The following MBP variants were observed in gnomAD, a reference collection of about 807,000 sequenced individuals.
The protein encoded by MBP is Golli-MBP.
A neutral mutation model predicts 35.8 loss-of-function variants in MBP; 16 were observed. That is an observed-to-expected ratio of 0.45 (90% CI 0.30 to 0.68). The LOEUF (loss-of-function observed/expected upper bound fraction) is 0.68, where lower values mean the gene tolerates loss of function less well. MBP is among the 30% of genes least tolerant of loss of function. The pLI is 0.08. For synonymous variants in MBP, 143 were observed against 159.6 expected (o/e 0.90, Z 0.78); for missense variants, 380 against 404.7 (o/e 0.94, Z 0.52).
At chr18:76,987,712 A>G in intron 7 of MBP, 1 of 995,286 alleles carries the variant, frequency 1.0e-6, no homozygotes, top group Non-Finnish European at 1.2e-6. Flanking sequence ...GTTGGTGGTT[A>G]TTCCTCCATT....
intron 1 of MBP, among the ~76,000 whole-genome samples, chr18:77,128,407 A>G (rs1411095423): frequency 6.6e-6 from 1 of 152,306 alleles, no homozygotes; most frequent in East Asian, 1.9e-4. Flanking sequence ...CAGCTTGGCT[A>G]TAAAGAGTAG....
Position 77,120,940 on chromosome 18 carries a change from G to A in MBP, c.-26+11640C>T, listed in dbSNP as rs146637494. ...CCGCCAGGACCTTTTCTATGTTCTT[G>A]AGCAAATGCAGTTGTTTTGTTTTTG... On this transcript the variant is annotated intron_variant, in intron 1 of 8. Transcript: ENST00000355994. Among the ~76,000 whole-genome samples the A allele has an allele frequency of 9.5e-4, 144 of 152,316 alleles. 1 individual carries two copies. Among genetic ancestry groups the A allele is most frequent in the African/African-American group, 3.4e-3 (140 of 41,558 alleles).
At chr18:76,993,872 G>A (rs1004952109) in intron 4 of MBP, among the ~76,000 whole-genome samples, 2 of 152,200 alleles carry the variant, frequency 1.3e-5, no homozygotes, top group Admixed American at 6.5e-5. Context: ...GCCTTTGAAC[G>A]TGAGGATGTC....
At chr18:77,096,085 G>A (rs146312257) in intron 2 of MBP, among the ~76,000 whole-genome samples, 1 of 152,356 alleles carries the variant, frequency 6.6e-6, no homozygotes, top group Non-Finnish European at 1.5e-5. Flanking sequence ...AGGATAAAAT[G>A]TTGCAGGATT....
chr18:77,109,909 G>A (rs946257413), intron 1 of MBP: 2 of 152,148 alleles, frequency 1.3e-5, no homozygotes, highest in Admixed American at 1.3e-4. Context: ...TTTGGACGTT[G>A]TTTTCATAAC....
chr18:76,997,895 G>A (rs1044026459), intron 4 of MBP, among the ~76,000 whole-genome samples: 8 of 151,988 alleles, frequency 5.3e-5, no homozygotes, highest in Admixed American at 2.0e-4. Flanking sequence ...TGTTAGCCAG[G>A]ATGGTCTCGA....
intron 2 of MBP, among the ~76,000 whole-genome samples, chr18:77,071,519 A>G (rs1974447173): frequency 6.6e-6 from 1 of 152,246 alleles, no homozygotes; most frequent in Admixed American, 6.5e-5. Flanking sequence ...TAACCAGAAC[A>G]GAAAGATGAG....
chr18:77,001,122 C>T (rs1169360981), intron 4 of MBP, among the ~76,000 whole-genome samples: 1 of 152,112 alleles, frequency 6.6e-6, no homozygotes, highest in African/African-American at 2.4e-5. Flanking sequence ...CCTGCCCACC[C>T]GGTCCCCACT....
intron 4 of MBP, among the ~76,000 whole-genome samples, chr18:77,007,044 C>A (rs1971023278): frequency 6.6e-6 from 1 of 152,222 alleles, no homozygotes; most frequent in African/African-American, 2.4e-5. Flanking sequence ...TCCGACTCTG[C>A]TGGTTCCTGG....
At position 76,989,749 on chromosome 18, in the gene MBP, C is replaced by T. The variant is rs114013410; in HGVS notation, c.681+207G>A. ...CTCTCTGGAGAACGCACGGAGCGCA[C>T]GGTGCAATCCGTGGCAGATACAGTC... On this transcript the variant is annotated intron_variant, in intron 5 of 8. Coordinates refer to ENST00000355994, the MANE Select transcript of MBP (RefSeq NM_001025101.2). This position sits in a 1 kb window ranked among gnomAD's most constrained non-coding sequence, Gnocchi z 4.0. 2.7e-3 allele frequency: 1,524 copies of T among 556,958 alleles called. 18 individuals carry two copies. Among genetic ancestry groups the T allele is most frequent in the African/African-American group, 0.025 (1,299 of 52,374 alleles). The allele number at this position is 556,958 out of a possible 1,614,324, so 34.5% of individuals were successfully genotyped here.
intron 2 of MBP, among the ~76,000 whole-genome samples, chr18:77,099,088 C>T (rs990425508): frequency 2.0e-5 from 3 of 152,130 alleles, no homozygotes; most frequent in Non-Finnish European, 2.9e-5. Context: ...AACATTGGAC[C>T]TGTAAGCATC....
intron 4 of MBP, among the ~76,000 whole-genome samples, chr18:77,000,325 A>G (rs1454853555): frequency 6.6e-6 from 1 of 152,212 alleles, no homozygotes; most frequent in Non-Finnish European, 1.5e-5. Flanking sequence ...AATGCCGTTA[A>G]AAGTGATCAT....
chr18:76,979,943 G>A lies in MBP; in HGVS notation c.*484C>T. 1 of 702,514 alleles carries A rather than the reference G, an allele frequency of 1.4e-6. No individual in the cohort carries two copies. Among genetic ancestry groups the A allele is most frequent in the South Asian group, 1.5e-5 (1 of 67,604 alleles). 43.5% of individuals were successfully genotyped at this position (702,514 alleles called of 1,614,324 possible). On this transcript the variant is annotated 3_prime_UTR_variant, in exon 9 of 9. Coordinates refer to ENST00000355994, the MANE Select transcript of MBP (RefSeq NM_001025101.2). ...TTAGGAAAAATGAAGTCTACTTTAG[G>A]AGGTGAGAGAAGGACAGGAAAAAAA...
rs900283463 is a variant in MBP, at chr18:77,131,133, G to A, written c.-26+1447C>T. Among the ~76,000 whole-genome samples the A allele has an allele frequency of 1.4e-5, 2 of 143,690 alleles. No individual in the cohort carries two copies. The highest frequency in any genetic ancestry group is 3.0e-5 in the Non-Finnish European group (2 of 66,410). 94.3% of individuals were successfully genotyped at this position (143,690 alleles called of 152,430 possible). ...CACACACACACACCCCCTCTGCCGC[G>A]GTACCCTTCCCCTGGCCTTCCTCCA... On this transcript the variant is annotated intron_variant, in intron 1 of 8. Coordinates refer to ENST00000355994, the MANE Select transcript of MBP (RefSeq NM_001025101.2). This position sits in a 1 kb window ranked among gnomAD's most constrained non-coding sequence, Gnocchi z 5.5.
At chr18:77,007,920 C>A (rs1025816326) in intron 4 of MBP, among the ~76,000 whole-genome samples, 4 of 152,188 alleles carry the variant, frequency 2.6e-5, no homozygotes, top group Non-Finnish European at 4.4e-5. Context: ...CTTTTCCCTG[C>A]TAAATAATTT....
intron 4 of MBP, chr18:77,016,563 G>C (rs1971651597): frequency 7.5e-7 from 1 of 1,332,930 alleles, no homozygotes; most frequent in African/African-American, 1.5e-5. Flanking sequence ...CACCCTTAGA[G>C]ATCCAGAATT....
chr18:77,119,748 C>T (rs117497368), intron 1 of MBP, among the ~76,000 whole-genome samples: 536 of 152,290 alleles, frequency 3.5e-3, no homozygotes, highest in Non-Finnish European at 5.4e-3. Flanking sequence ...AGGGACACCC[C>T]AAGGGAAGTG....
intron 1 of MBP, chr18:77,114,022 T>C (rs1976565816): frequency 1.3e-5 from 2 of 152,104 alleles, no homozygotes; most frequent in Admixed American, 6.5e-5. Context: ...AAACAAAGAG[T>C]TCCAAAAACC....
chr18:77,116,223 A>C, intron 1 of MBP, among the ~76,000 whole-genome samples: 1 of 152,210 alleles, frequency 6.6e-6, no homozygotes, highest in Non-Finnish European at 1.5e-5. Context: ...TCCAGATTCT[A>C]ATCAAGAAAG....
Sources: allele counts gnomAD v4.1 joint callset (sites outside exome capture counted in the v4.1 genomes callset), GRCh38; gene constraint gnomAD v4.1.1; non-coding constraint Gnocchi (gnomAD v3.1); transcripts MANE v1.5; gene names NCBI Gene and HGNC (gene_info 2026-07-23, HGNC 2026-07-21).